Variants in RIOK1 observed in about 807,000 individuals in gnomAD.
The protein encoded by RIOK1 is serine/threonine-protein kinase RIO1.
A neutral mutation model predicts 73.5 loss-of-function variants in RIOK1; 66 were observed. The observed-to-expected ratio is 0.90, with a 90% CI of 0.74 to 1.10. RIOK1 has a LOEUF of 1.10. RIOK1 is among the 50% of genes least tolerant of loss of function. The pLI is 0.00. For synonymous variants in RIOK1, 224 were observed against 226.8 expected, an observed-to-expected ratio of 0.99 and a Z score of 0.11; for missense variants, 658 against 699.8, an observed-to-expected ratio of 0.94 and a Z score of 0.67.
At position 7,393,232 on chromosome 6, in the gene RIOK1, G is replaced by A. The variant is rs145488999; in HGVS notation, c.205G>A (p.Asp69Asn). The A allele has an allele frequency of 6.2e-7, 1 of 1,613,746 alleles. No individual in the cohort carries two copies. The highest frequency in any genetic ancestry group is 1.3e-5 in the African/African-American group (1 of 74,892). The change falls in exon 2 of 17, where the codon GAC (aspartate) becomes AAC (asparagine). Residue 69 changes from aspartate (D) to asparagine (N), a missense_variant. By Grantham distance (23) the Asp-to-Asn change is conservative. Coordinates refer to ENST00000379834, the MANE Select transcript of RIOK1 (RefSeq NM_031480.3). ...EEEGYDDDDD[D>N]WDWDEGVGKL... ...GGAGGGTTATGACGATGATGATGAT[G>A]ACTGGGACTGGGATGAAGGAGTTGG...
In RIOK1 at chr6:7,390,088, A is replaced by G. The variant is rs770812296; in HGVS notation, c.71+15A>G. The G allele has an allele frequency of 1.9e-6, 3 of 1,553,848 alleles. No homozygotes were observed. Among genetic ancestry groups the G allele is most frequent in the Non-Finnish European group, 2.6e-6 (3 of 1,148,548 alleles). ...TCCTCTGACAGGTAGGCGGCCGTAC[A>G]GTGCCCTGGCTCTGGGTACGGCTCT... On this transcript the variant is annotated intron_variant, in intron 1 of 16. Coordinates refer to ENST00000379834, the MANE Select transcript of RIOK1 (RefSeq NM_031480.3).
In RIOK1 at chr6:7,389,999, A is replaced by G. The variant is rs1029662303; in HGVS notation, c.-4A>G. The stretch of plus-strand genomic sequence containing the variant: ...GCGGCGGCCTCCGGCGGCGCTCTCC[A>G]GTCATGGACTACCGGCGGCTTCTCA... On this transcript the variant is annotated 5_prime_UTR_variant, in exon 1 of 17. Coordinates refer to ENST00000379834, the MANE Select transcript of RIOK1 (RefSeq NM_031480.3). 3.4e-5 allele frequency: 52 copies of G among 1,551,390 alleles called. No individual in the cohort carries two copies. The highest frequency in any genetic ancestry group is 4.3e-5 in the Non-Finnish European group (49 of 1,147,474).
intron 15 of RIOK1, among the ~76,000 whole-genome samples, chr6:7,413,876 G>C (rs1307749180): frequency 6.6e-6 from 1 of 152,186 alleles, no homozygotes; most frequent in Non-Finnish European, 1.5e-5. Flanking sequence ...GAAAACAGCT[G>C]TGAAGTTATC....
chr6:7,416,643 CAA>C (rs34401192), intron 16 of RIOK1, among the ~76,000 whole-genome samples: 8 of 113,542 alleles, frequency 7.0e-5, no homozygotes, highest in East Asian at 2.4e-4. Flanking sequence ...GACTCCGTCT[CAA>C]AAAAAAAAAA....
intron 3 of RIOK1, 132 bp from the exon 4 acceptor site, chr6:7,396,569 CTG>C (rs1167843055): frequency 8.0e-6 from 4 of 499,420 alleles, no homozygotes; most frequent in Non-Finnish European, 1.1e-5. Context: ...CATTACTAAA[CTG>C]TATTCTATTT....
At chr6:7,399,536 C>G (rs1309007366) in intron 5 of RIOK1, among the ~76,000 whole-genome samples, 1 of 152,190 alleles carries the variant, frequency 6.6e-6, no homozygotes, top group Non-Finnish European at 1.5e-5. Flanking sequence ...AATTCTTTTT[C>G]TCTTTCAAAA....
chr6:7,398,802 G>A, intron 5 of RIOK1, 62 bp downstream of exon 5: 1 of 1,385,568 alleles, frequency 7.2e-7, no homozygotes, highest in South Asian at 1.2e-5. Flanking sequence ...TCTTTGAATT[G>A]TAGTTTGCTT....
chr6:7,415,283 A>G (rs1581725440), intron 16 of RIOK1, among the ~76,000 whole-genome samples: 2 of 152,300 alleles, frequency 1.3e-5, no homozygotes, highest in East Asian at 3.9e-4. Context: ...GAGCACCTGT[A>G]GTCCCAAATA....
Position 7,402,620 on chromosome 6 carries a change from T to C in RIOK1, c.591T>C (p.Ala197=). The change falls in exon 7 of 17, where the codon GCT becomes GCC. Residue 197 remains alanine (A), a synonymous_variant. Coordinates refer to ENST00000379834, the MANE Select transcript of RIOK1 (RefSeq NM_031480.3). ...STGKEANVYH[A]STANGESRAI... ...TAATATAGGCTAATGTATACCATGC[T>C]AGCACAGCAAATGGAGAGAGCAGAG... 1 of 1,606,936 alleles carries C rather than the reference T, an allele frequency of 6.2e-7. No individual in the cohort carries two copies. Among genetic ancestry groups the C allele is most frequent in the Non-Finnish European group, 8.5e-7 (1 of 1,177,256 alleles).
At position 7,393,204 on chromosome 6, in the gene RIOK1, G is replaced by A; in HGVS notation, c.177G>A (p.Glu59=). The change falls in exon 2 of 17, where the codon GAG becomes GAA. Residue 59 remains glutamate, a synonymous_variant. Transcript: ENST00000379834. ...ENGEGEIEDE[E]EEGYDDDDDD... ...GTGAAGGTGAAATAGAAGATGAGGAGGAGGAGGGTTATGACGATGATGATG... is the reference window on the plus strand; with the variant it reads ...GTGAAGGTGAAATAGAAGATGAGGAAGAGGAGGGTTATGACGATGATGATG... 6.2e-7 allele frequency: 1 copy of A among 1,612,800 alleles called. No homozygotes were observed. Among genetic ancestry groups the A allele is most frequent in the Non-Finnish European group, 8.5e-7 (1 of 1,178,830 alleles).
chr6:7,400,405 G>A (rs1290907949), intron 5 of RIOK1, among the ~76,000 whole-genome samples: 3 of 152,120 alleles, frequency 2.0e-5, no homozygotes, highest in African/African-American at 7.2e-5. Flanking sequence ...GCCTGTCCAC[G>A]ACGGTAGCCA....
chr6:7,410,500 G>C (rs1461006431), intron 13 of RIOK1, 49 bp downstream of exon 13: 5 of 1,332,428 alleles, frequency 3.8e-6, no homozygotes, highest in Non-Finnish European at 5.3e-6. Context: ...TGTGTTTTGA[G>C]GGTTTTTTTT....
intron 13 of RIOK1, 48 bp from the exon 14 acceptor site, chr6:7,411,284 G>C (rs748654201): frequency 6.2e-7 from 1 of 1,601,618 alleles, no homozygotes; most frequent in Non-Finnish European, 8.5e-7. Context: ...GTGTGAATGT[G>C]AGAAGTGTAT....
intron 12 of RIOK1, among the ~76,000 whole-genome samples, chr6:7,406,778 G>C (rs1761756326): frequency 6.6e-6 from 1 of 151,918 alleles, no homozygotes; most frequent in South Asian, 2.1e-4. Context: ...TACCACCCTG[G>C]CCTCCCTGAG....
At chr6:7,410,577 TC>T in intron 13 of RIOK1, 126 bp downstream of exon 13, 1 of 634,032 alleles carries the variant, frequency 1.6e-6, no homozygotes. Flanking sequence ...TGGTAATATT[TC>T]CTTAAGATAT....
chr6:7,415,049 T>G (rs1192773844), intron 16 of RIOK1, among the ~76,000 whole-genome samples: 1 of 152,232 alleles, frequency 6.6e-6, no homozygotes, highest in Non-Finnish European at 1.5e-5. Context: ...ACCCTTACTT[T>G]GCTTAATAAT....
At chr6:7,393,922 A>G (rs1163798225) in intron 2 of RIOK1, among the ~76,000 whole-genome samples, 3 of 152,264 alleles carry the variant, frequency 2.0e-5, no homozygotes, top group Non-Finnish European at 2.9e-5. Context: ...GAGGCATTAT[A>G]CAGCCATAAA....
At chr6:7,390,938 A>G (rs2113493193) in intron 1 of RIOK1, among the ~76,000 whole-genome samples, 1 of 152,314 alleles carries the variant, frequency 6.6e-6, no homozygotes, top group Admixed American at 6.5e-5. Context: ...CAAAAATAAT[A>G]AGGTAATCAG....
Position 7,405,957 on chromosome 6 carries a change from TTTTTTTCTTTTCTTTCTTTTTC to T in RIOK1, c.1203+622_1203+643del, listed in dbSNP as rs1473368103. 3.3e-5 allele frequency among the ~76,000 whole-genome samples: 5 copies of T among 151,662 alleles called. No homozygotes were observed. In the East Asian group the frequency reaches 7.7e-4, roughly 23 times the overall value. On this transcript the variant is annotated intron_variant, in intron 12 of 16. Transcript: ENST00000379834. ...CCCTTGTTTCTCAGGGGCCTTTCTCTTTTTTTCTTTTCTTTCTTTTTCTTTTTTCTTTTCTTTCTTTCTTTTT... is the reference window on the plus strand; with the variant it reads ...CCCTTGTTTCTCAGGGGCCTTTCTCTTTTTTTCTTTTCTTTCTTTCTTTTT...
Sources: allele counts gnomAD v4.1 joint callset (sites outside exome capture counted in the v4.1 genomes callset), GRCh38; gene constraint gnomAD v4.1.1; transcripts MANE v1.5; gene names NCBI Gene and HGNC (gene_info 2026-07-23, HGNC 2026-07-21).